AXDND1: variants seen among roughly 807,000 people sequenced by gnomAD.
AXDND1 encodes axonemal dynein light chain domain containing 1.
AXDND1 carries 110 observed loss-of-function variants against 137.5 expected under a neutral mutation model. The ratio of observed to expected loss-of-function variants is 0.80; its 90% CI spans 0.69 to 0.94. The LOEUF (loss-of-function observed/expected upper bound fraction) is 0.94. AXDND1 is among the 40% of genes least tolerant of loss of function. AXDND1 has a pLI of 0.00. For missense variants in AXDND1, 1,191 were observed against 1,169.8 expected, an observed-to-expected ratio of 1.02 and a Z score of -0.26; for synonymous variants, 414 against 399.7, an observed-to-expected ratio of 1.04 and a Z score of -0.43.
intron 3 of AXDND1, 67 bp from the exon 4 acceptor site, chr1:179,369,908 T>C: frequency 3.2e-6 from 4 of 1,257,988 alleles, no homozygotes; most frequent in Non-Finnish European, 4.6e-6. Flanking sequence ...TACTCAAAAC[T>C]ATTAATACAT....
At position 179,430,996 on chromosome 1, in the gene AXDND1, CA is replaced by C. The variant is rs1440826015; in HGVS notation, c.1487+391del. On this transcript the variant is annotated intron_variant, in intron 14 of 25. Coordinates refer to ENST00000367618, the MANE Select transcript of AXDND1 (RefSeq NM_144696.6). ...GAGGGAGATGGTTTTGATCGGATATCATACTTTGCAATGATTAGAGAAATCT... is the reference window on the plus strand; with the variant it reads ...GAGGGAGATGGTTTTGATCGGATATCTACTTTGCAATGATTAGAGAAATCT... Among the ~76,000 whole-genome samples the C allele has an allele frequency of 3.9e-5, 6 of 152,250 alleles. No homozygotes were observed. The East Asian group carries it at 9.7e-4, about 25-fold the overall frequency.
rs76107121 is a variant in AXDND1 at position 179,498,342 on chromosome 1, T to C, written c.2388+5391T>C. Among the ~76,000 whole-genome samples, 121 of 152,046 alleles carry C rather than the reference T, an allele frequency of 8.0e-4. 1 individual carries two copies. In the East Asian group the frequency reaches 0.022, roughly 27 times the overall value. On this transcript the variant is annotated intron_variant, in intron 20 of 25. Transcript: ENST00000367618. ...GAACATAATAGAAAACTTAGAAATA[T>C]GGCTTCACACCTACCAACCATCTGA...
rs185845808 is a variant in AXDND1 at position 179,462,645 on chromosome 1, G to C, written c.1799-5798G>C. Among the ~76,000 whole-genome samples, 4 of 152,302 alleles carry C rather than the reference G, an allele frequency of 2.6e-5. No homozygotes were observed. In the East Asian group the frequency reaches 7.7e-4, roughly 29 times the overall value. On this transcript the variant is annotated intron_variant, in intron 16 of 25. Transcript: ENST00000367618. Reference sequence around the variant, plus strand: ...GGTACCAGCTCCTCTTTGTACCTCTGGTAGAATTTGGCTGTGAATCTGTCT... The same window carrying C: ...GGTACCAGCTCCTCTTTGTACCTCTCGTAGAATTTGGCTGTGAATCTGTCT...
At chr1:179,410,580 G>T (rs754924778) in intron 11 of AXDND1, among the ~76,000 whole-genome samples, 28 of 152,166 alleles carry the variant, frequency 1.8e-4, no homozygotes, top group Non-Finnish European at 1.5e-5. Context: ...AAGGAAAAAG[G>T]TATGTTCTGG....
At chr1:179,520,291 C>T (rs1669929850) in intron 21 of AXDND1, among the ~76,000 whole-genome samples, 1 of 152,082 alleles carries the variant, frequency 6.6e-6, no homozygotes, top group Admixed American at 6.6e-5. Context: ...TGGGCTGAGA[C>T]AATGGGGTTT....
chr1:179,368,985 A>C lies in AXDND1; in HGVS notation c.270+13A>C. The C allele has an allele frequency of 6.3e-7, 1 of 1,585,646 alleles. No individual in the cohort carries two copies. Among genetic ancestry groups the C allele is most frequent in the Non-Finnish European group, 8.6e-7 (1 of 1,160,738 alleles). On this transcript the variant is annotated intron_variant, in intron 3 of 25. Coordinates refer to ENST00000367618, the MANE Select transcript of AXDND1 (RefSeq NM_144696.6). ...TAAAACCCCAAAGGTTTGTATGTAC[A>C]TATGTAGAGTAATGGGGAACATTAT... is the stretch of plus-strand genomic sequence containing the variant.
At chr1:179,467,133 G>T (rs780604399) in intron 16 of AXDND1, among the ~76,000 whole-genome samples, 4 of 152,096 alleles carry the variant, frequency 2.6e-5, no homozygotes, top group Non-Finnish European at 4.4e-5. Flanking sequence ...ATCCATGAAA[G>T]ATATTAAAAA....
chr1:179,493,796 G>A (rs1013044326), intron 20 of AXDND1, among the ~76,000 whole-genome samples: 12 of 152,132 alleles, frequency 7.9e-5, no homozygotes, highest in Non-Finnish European at 1.5e-5. Context: ...TTTACACATT[G>A]TACACATGCA....
chr1:179,437,210 G>C (rs1658298174), intron 15 of AXDND1, among the ~76,000 whole-genome samples: 1 of 152,134 alleles, frequency 6.6e-6, no homozygotes, highest in African/African-American at 2.4e-5. Flanking sequence ...GGAAGAAGGG[G>C]TCGGGGGCAC....
At chr1:179,440,749 G>C (rs188712145) in intron 15 of AXDND1, among the ~76,000 whole-genome samples, 7 of 152,202 alleles carry the variant, frequency 4.6e-5, no homozygotes. Context: ...GCACGAGAGC[G>C]AATAACTTGT....
At chr1:179,538,943 G>A (rs529522074) in intron 25 of AXDND1, among the ~76,000 whole-genome samples, 33 of 151,904 alleles carry the variant, frequency 2.2e-4, no homozygotes, top group Non-Finnish European at 7.4e-5. Flanking sequence ...TTACCATTAT[G>A]TAATGGCCTT....
Position 179,483,767 on chromosome 1 carries a change from A to G in AXDND1, c.2091+546A>G, listed in dbSNP as rs551482761. ...AGTGCCTTTATATACCTCAATTTTA[A>G]CACTGCATTATTAAAATTAATCTGT... On this transcript the variant is annotated intron_variant, in intron 18 of 25. Coordinates refer to ENST00000367618, the MANE Select transcript of AXDND1 (RefSeq NM_144696.6). 2.5e-4 allele frequency among the ~76,000 whole-genome samples: 38 copies of G among 152,298 alleles called. 1 individual carries two copies. Among genetic ancestry groups the G allele is most frequent in the Middle Eastern group, 6.8e-3 (2 of 294 alleles).
At chr1:179,449,491 C>G (rs1660229304) in intron 16 of AXDND1, 1 of 156,508 alleles carries the variant, frequency 6.4e-6, no homozygotes, top group African/African-American at 2.4e-5. Context: ...ATTGTTTTGG[C>G]TATTCTGCAT....
At chr1:179,475,120 G>C (rs1327884161) in intron 17 of AXDND1, among the ~76,000 whole-genome samples, 1 of 152,254 alleles carries the variant, frequency 6.6e-6, no homozygotes, top group Non-Finnish European at 1.5e-5. Context: ...GTATGGAAGT[G>C]CTTGGATGTC....
At chr1:179,431,503 T>C (rs1223194010) in intron 14 of AXDND1, among the ~76,000 whole-genome samples, 1 of 152,058 alleles carries the variant, frequency 6.6e-6, no homozygotes, top group African/African-American at 2.4e-5. Flanking sequence ...GTGTTGTTGT[T>C]GTTTTTTAAC....
intron 16 of AXDND1, chr1:179,455,789 A>G (rs1001304475): frequency 5.6e-6 from 1 of 177,706 alleles, no homozygotes; most frequent in African/African-American, 2.4e-5. Context: ...GAGGAAACCC[A>G]ATAGAATTGA....
chr1:179,466,203 G>A (rs555931490), intron 16 of AXDND1, among the ~76,000 whole-genome samples: 17 of 152,038 alleles, frequency 1.1e-4, no homozygotes, highest in South Asian at 4.2e-4. Context: ...CATTGCTCAC[G>A]CTGGGAGCTG....
At chr1:179,509,865 C>T (rs1668868226) in intron 21 of AXDND1, among the ~76,000 whole-genome samples, 1 of 152,182 alleles carries the variant, frequency 6.6e-6, no homozygotes, top group South Asian at 2.1e-4. Flanking sequence ...ATGGTCATTT[C>T]TCCCATCCTA....
chr1:179,419,640 A>ATGGTG (rs1655356668), intron 12 of AXDND1, among the ~76,000 whole-genome samples: 3 of 41,104 alleles, frequency 7.3e-5, no homozygotes, highest in Non-Finnish European at 9.5e-5. Flanking sequence ...GGAGAGGGAG[A>ATGGTG]GGGAGAGGGG....
Sources: allele counts gnomAD v4.1 joint callset (sites outside exome capture counted in the v4.1 genomes callset), GRCh38; gene constraint gnomAD v4.1.1; transcripts MANE v1.5; gene names NCBI Gene and HGNC (gene_info 2026-07-23, HGNC 2026-07-21).